Variants in GRM7 observed in about 807,000 individuals in gnomAD.
GRM7 encodes metabotropic glutamate receptor 7.
GRM7 carries 35 observed loss-of-function variants against 84.5 expected under a neutral mutation model. The observed-to-expected ratio is 0.41, with a 90% confidence interval of 0.32 to 0.55. The LOEUF is 0.55. Among genes scored for constraint, GRM7 ranks in the 20% least tolerant of loss-of-function variants. The probability of loss-of-function intolerance (pLI) is 0.19; values close to 1 mark genes in which losing one functional copy is unlikely to be tolerated. For missense variants in GRM7, 1,003 were observed against 1,194.6 expected, an observed-to-expected ratio of 0.84 and a Z score of 2.36; for synonymous variants, 487 against 455.1, an observed-to-expected ratio of 1.07 and a Z score of -0.89.
intron 4 of GRM7, among the ~76,000 whole-genome samples, chr3:7,356,827 T>C (rs952251646): frequency 3.5e-4 from 53 of 151,734 alleles, no homozygotes; most frequent in African/African-American, 1.2e-3. Flanking sequence ...GAACTTCGAT[T>C]TAGCTATGCT....
intron 7 of GRM7, among the ~76,000 whole-genome samples, chr3:7,555,733 C>G (rs1160918757): frequency 1.3e-5 from 2 of 152,106 alleles, no homozygotes; most frequent in Non-Finnish European, 2.9e-5. Flanking sequence ...TAAAACATTA[C>G]TCATAACAGT....
chr3:6,947,464 A>C (rs574445687), intron 1 of GRM7, among the ~76,000 whole-genome samples: 5 of 152,252 alleles, frequency 3.3e-5, no homozygotes, highest in African/African-American at 1.2e-4. Flanking sequence ...CCAGTATTTT[A>C]TTGAGGATTT....
chr3:7,214,503 C>G (rs957291130), intron 2 of GRM7, among the ~76,000 whole-genome samples: 1 of 152,182 alleles, frequency 6.6e-6, no homozygotes, highest in Non-Finnish European at 1.5e-5. Flanking sequence ...CTATGTTCTA[C>G]TTTTCTTTAT....
chr3:6,992,116 G>C (rs139388733), intron 1 of GRM7, among the ~76,000 whole-genome samples: 1 of 152,348 alleles, frequency 6.6e-6, no homozygotes, highest in Non-Finnish European at 1.5e-5. Flanking sequence ...TGTAGCCGTA[G>C]GCTGAGGGTG....
intron 1 of GRM7, among the ~76,000 whole-genome samples, chr3:6,971,836 TA>T (rs1176518040): frequency 6.6e-6 from 1 of 152,164 alleles, no homozygotes; most frequent in Admixed American, 6.5e-5. Flanking sequence ...GGCACTTAAC[TA>T]ATTTTTTTGC....
intron 8 of GRM7, among the ~76,000 whole-genome samples, chr3:7,635,520 C>T (rs1698054275): frequency 6.6e-6 from 1 of 152,152 alleles, no homozygotes; most frequent in South Asian, 2.1e-4. Context: ...CATTTGTCCA[C>T]TGAAAGCAAT....
chr3:6,941,827 T>C (rs191037446), intron 1 of GRM7, among the ~76,000 whole-genome samples: 2 of 152,300 alleles, frequency 1.3e-5, no homozygotes, highest in African/African-American at 4.8e-5. Context: ...CTGGGCTAGA[T>C]AGGTGAACAA....
chr3:7,195,230 A>G (rs888697580), intron 2 of GRM7, among the ~76,000 whole-genome samples: 14 of 152,118 alleles, frequency 9.2e-5, no homozygotes, highest in Admixed American at 4.6e-4. Context: ...TGCTCTCTGA[A>G]TTGTGTAAAT....
intron 1 of GRM7, among the ~76,000 whole-genome samples, chr3:6,903,523 C>G (rs2125007410): frequency 6.6e-6 from 1 of 152,148 alleles, no homozygotes; most frequent in Admixed American, 6.5e-5. Context: ...TAAGTTAATA[C>G]CAAGTTTTAC....
At chr3:7,707,849 C>T (rs1158289828) in intron 9 of GRM7, among the ~76,000 whole-genome samples, 1 of 152,042 alleles carries the variant, frequency 6.6e-6, no homozygotes, top group Non-Finnish European at 1.5e-5. Context: ...TCATAGTTTG[C>T]CCCATTTGCC....
intron 4 of GRM7, among the ~76,000 whole-genome samples, chr3:7,311,357 C>T (rs533901375): frequency 3.4e-4 from 51 of 152,220 alleles, no homozygotes; most frequent in Middle Eastern, 3.4e-3. Context: ...CCACTGGACT[C>T]ATAGGTGAAA....
intron 2 of GRM7, among the ~76,000 whole-genome samples, chr3:7,202,497 A>C (rs1696099703): frequency 6.6e-6 from 1 of 151,998 alleles, no homozygotes; most frequent in Non-Finnish European, 1.5e-5. Flanking sequence ...TACCCAGCTA[A>C]TTTTTGTAAT....
At chr3:7,587,682 T>A (rs1695581379) in intron 8 of GRM7, among the ~76,000 whole-genome samples, 1 of 152,174 alleles carries the variant, frequency 6.6e-6, no homozygotes, top group Admixed American at 6.5e-5. Flanking sequence ...TGCTTATAAG[T>A]AATGGATTGC....
At chr3:7,556,353 C>A (rs1188973903) in intron 7 of GRM7, among the ~76,000 whole-genome samples, 2 of 152,118 alleles carry the variant, frequency 1.3e-5, no homozygotes, top group East Asian at 3.9e-4. Context: ...ATAGTAACCT[C>A]TATGTTTTCA....
chr3:7,164,381 A>G (rs1002206301), intron 2 of GRM7, among the ~76,000 whole-genome samples: 22 of 152,168 alleles, frequency 1.4e-4, no homozygotes, highest in African/African-American at 4.8e-4. Context: ...AAACATAAAA[A>G]TCACAACCTA....
At chr3:7,651,804 G>GT (rs957030107) in intron 8 of GRM7, among the ~76,000 whole-genome samples, 3 of 152,258 alleles carry the variant, frequency 2.0e-5, no homozygotes. Context: ...AATGGATGTG[G>GT]TCCGAAGTCC....
chr3:7,307,550 T>C (rs778028563), intron 4 of GRM7, among the ~76,000 whole-genome samples: 3 of 152,214 alleles, frequency 2.0e-5, no homozygotes, highest in Non-Finnish European at 4.4e-5. Flanking sequence ...AGGCTGCATG[T>C]TCTGTGTAGG....
intron 9 of GRM7, among the ~76,000 whole-genome samples, chr3:7,728,373 T>C (rs1246509516): frequency 6.6e-6 from 1 of 152,208 alleles, no homozygotes; most frequent in Non-Finnish European, 1.5e-5. Context: ...TGTTTCAAAC[T>C]ATATACCTAC....
At chr3:7,630,211 G>A (rs1237259458) in intron 8 of GRM7, among the ~76,000 whole-genome samples, 1 of 152,060 alleles carries the variant, frequency 6.6e-6, no homozygotes, top group Non-Finnish European at 1.5e-5. Flanking sequence ...ATGGTGGTGG[G>A]GTACTCATGA....
Sources: gnomAD v4.1 joint callset for allele counts (sites outside exome capture counted in the v4.1 genomes callset) on GRCh38, gnomAD v4.1.1 for gene constraint, MANE v1.5 for transcripts, NCBI Gene and HGNC (gene_info 2026-07-23, HGNC 2026-07-21) for gene names.